The following HSPA12A variants were observed in gnomAD, a reference collection of about 807,000 sequenced individuals.
The protein encoded by HSPA12A is heat shock protein family A (Hsp70) member 12A, also known as heat shock 70 kDa protein 12A.
Under a neutral mutation model 69.2 loss-of-function variants are expected in HSPA12A, and 28 were observed. The ratio of observed to expected loss-of-function variants is 0.40; its 90% CI spans 0.30 to 0.55. The LOEUF is 0.55. HSPA12A is among the 20% of genes least tolerant of loss of function. The probability of loss-of-function intolerance (pLI) is 0.38; values close to 1 mark genes in which losing one functional copy is unlikely to be tolerated. For synonymous variants in HSPA12A, 345 were observed against 370.5 expected (o/e 0.93, Z 0.79); for missense variants, 686 against 900.7 (o/e 0.76, Z 3.05).
Position 116,674,717 on chromosome 10 carries a change from C to T in HSPA12A, c.*64G>A. 6.6e-7 allele frequency: 1 copy of T among 1,509,900 alleles called. No homozygotes were observed. The highest frequency in any genetic ancestry group is 2.3e-5 in the East Asian group (1 of 44,082). 93.5% of individuals were successfully genotyped at this position (1,509,900 alleles called of 1,614,324 possible). ...GGGTCAAGGTTAGGGAAAGAACAGT[C>T]AAGGTTGAGGTCAGCAGATGCAGAT... On this transcript the variant is annotated 3_prime_UTR_variant, in exon 12 of 12. Coordinates refer to ENST00000369209, the MANE Select transcript of HSPA12A (RefSeq NM_025015.3).
At chr10:116,711,967 G>A (rs889172305) in intron 1 of HSPA12A, among the ~76,000 whole-genome samples, 2 of 151,990 alleles carry the variant, frequency 1.3e-5, no homozygotes, top group Non-Finnish European at 2.9e-5. Context: ...GATTACAGGC[G>A]TGAGCCACTG....
At chr10:116,777,592 C>T (rs1844367745) in intron 2 of HSPA12A, among the ~76,000 whole-genome samples, 1 of 152,202 alleles carries the variant, frequency 6.6e-6, no homozygotes, top group African/African-American at 2.4e-5. Flanking sequence ...TTCAGCTACC[C>T]ACATGATGTC....
upstream of HSPA12A, chr10:116,849,920 TCCC>T: frequency 1.3e-6 from 1 of 749,296 alleles, no homozygotes; most frequent in South Asian, 1.5e-5. Context: ...TGAAGGGATC[TCCC>T]CAGAGAAAGT....
chr10:116,680,649 C>A (rs1253104188), intron 9 of HSPA12A, among the ~76,000 whole-genome samples: 1 of 152,196 alleles, frequency 6.6e-6, no homozygotes, highest in Admixed American at 6.5e-5. Flanking sequence ...CCACGCCCAG[C>A]TAATTTTTGT....
At chr10:116,750,307 T>G (rs1164217927) in intron 2 of HSPA12A, 1 of 773,282 alleles carries the variant, frequency 1.3e-6, no homozygotes, top group African/African-American at 1.7e-5. Flanking sequence ...AAAGCACTTA[T>G]GGTCAGCCTG....
At chr10:116,713,440 G>A (rs1043574746) in intron 1 of HSPA12A, among the ~76,000 whole-genome samples, 1 of 152,140 alleles carries the variant, frequency 6.6e-6, no homozygotes. Context: ...ATGGAAATGA[G>A]CATTTACCAT....
rs1298081656 is a variant in HSPA12A, at chr10:116,671,740, A to G, written c.*3041T>C. The G allele has an allele frequency of 6.5e-6, 1 of 152,684 alleles. No individual in the cohort carries two copies. Among genetic ancestry groups the G allele is most frequent in the Admixed American group, 6.5e-5 (1 of 15,286 alleles). The allele number at this position is 152,684 out of a possible 1,614,324, so 9.5% of individuals were successfully genotyped here. ...GCTGTGTACGGAAAGGGCAGTTACAAAGGAAAGCCTTGATGATTCTGCTTC... is the reference window on the plus strand; with the variant it reads ...GCTGTGTACGGAAAGGGCAGTTACAGAGGAAAGCCTTGATGATTCTGCTTC... On this transcript the variant is annotated 3_prime_UTR_variant, in exon 12 of 12. Transcript: ENST00000369209.
chr10:116,694,507 T>C (rs531550476), intron 5 of HSPA12A, among the ~76,000 whole-genome samples: 2 of 152,318 alleles, frequency 1.3e-5, no homozygotes, highest in East Asian at 3.9e-4. Context: ...ACCACCCACA[T>C]GGCCACTTGA....
rs184808436 is a variant in HSPA12A, at chr10:116,675,588, A to G, written c.1391-170T>C. Among the ~76,000 whole-genome samples, 17 of 152,310 alleles carry G rather than the reference A, an allele frequency of 1.1e-4. No homozygotes were observed. The highest frequency in any genetic ancestry group is 4.1e-4 in the African/African-American group (17 of 41,560). On this transcript the variant is annotated intron_variant, in intron 11 of 11. Transcript: ENST00000369209. This position sits in a 1 kb window ranked among gnomAD's most constrained non-coding sequence, Gnocchi z 5.2. ...CTTTGCAGAACTGGTCTTTTAAAGA[A>G]AGGGAGTTTGCACACCAATATGTTC...
At chr10:116,802,353 C>G (rs958950593) in intron 2 of HSPA12A, among the ~76,000 whole-genome samples, 1 of 152,180 alleles carries the variant, frequency 6.6e-6, no homozygotes, top group African/African-American at 2.4e-5. Context: ...AATGTGGCCA[C>G]AAAATAACAT....
At chr10:116,688,163 C>A (rs1351491810) in intron 6 of HSPA12A, among the ~76,000 whole-genome samples, 2 of 152,180 alleles carry the variant, frequency 1.3e-5, no homozygotes, top group African/African-American at 4.8e-5. Context: ...GATTTTCTAA[C>A]AGCAACGCTC....
At chr10:116,719,014 T>C (rs1290224911) in intron 1 of HSPA12A, among the ~76,000 whole-genome samples, 1 of 152,126 alleles carries the variant, frequency 6.6e-6, no homozygotes, top group Non-Finnish European at 1.5e-5. Flanking sequence ...GCAGTGGCCA[T>C]GGACCTCAGA....
rs782367968 is a variant in HSPA12A, at chr10:116,742,427, C to T, written c.40+3G>A. 1.3e-4 allele frequency: 180 copies of T among 1,429,752 alleles called. No homozygotes were observed. The highest frequency in any genetic ancestry group is 1.5e-4 in the Non-Finnish European group (165 of 1,093,184). The allele number at this position is 1,429,752 out of a possible 1,614,324, so 88.6% of individuals were successfully genotyped here. A position where few individuals can be genotyped will look rare whatever the true frequency, so the allele number is the denominator to read the frequency against. ...GGCCGCAGGACCCGCAGCCTGCGCT[C>T]ACCTCGGGGCCCGTCGCTGCCGCCG... On this transcript the variant is annotated splice_donor_region_variant and intron_variant, in intron 1 of 11. Coordinates refer to ENST00000369209, the MANE Select transcript of HSPA12A (RefSeq NM_025015.3).
intron 2 of HSPA12A, among the ~76,000 whole-genome samples, chr10:116,828,010 T>C (rs1321930850): frequency 6.6e-6 from 1 of 152,222 alleles, no homozygotes; most frequent in Non-Finnish European, 1.5e-5. Flanking sequence ...GTGGTATGCA[T>C]TTGTGATCCA....
chr10:116,676,860 CT>C (rs1272551742), intron 10 of HSPA12A, among the ~76,000 whole-genome samples: 4 of 152,208 alleles, frequency 2.6e-5, no homozygotes, highest in African/African-American at 7.2e-5. Context: ...TAAAAGCTCC[CT>C]GGCGAGTTTA....
rs71013609 is a variant in HSPA12A, at chr10:116,696,002, C to CAAAAAAAAAAAAAAAAAAAAAAAAAA, written c.546+2632_546+2633insTTTTTTTTTTTTTTTTTTTTTTTTTT. The stretch of plus-strand genomic sequence containing the variant: ...TGGGCAACAGAGAGAGACTCCATCT[C>CAAAAAAAAAAAAAAAAAAAAAAAAAA]AAAAAAAAAAAAAAAAAAAAAGGCT... On this transcript the variant is annotated intron_variant, in intron 5 of 11. Transcript: ENST00000369209. Among the ~76,000 whole-genome samples, 6 of 32,724 alleles carry CAAAAAAAAAAAAAAAAAAAAAAAAAA rather than the reference C, an allele frequency of 1.8e-4. 1 individual carries two copies. Among genetic ancestry groups the CAAAAAAAAAAAAAAAAAAAAAAAAAA allele is most frequent in the Non-Finnish European group, 2.5e-4 (5 of 19,856 alleles). 21.5% of individuals were successfully genotyped at this position (32,724 alleles called of 152,430 possible). A position where few individuals can be genotyped will look rare whatever the true frequency, so the allele number is the denominator to read the frequency against.
At chr10:116,713,619 GC>G (rs1358345311) in intron 1 of HSPA12A, among the ~76,000 whole-genome samples, 1 of 152,050 alleles carries the variant, frequency 6.6e-6, no homozygotes, top group Non-Finnish European at 1.5e-5. Context: ...GACAGGAAAA[GC>G]CCCGAGTCCC....
At chr10:116,690,727 T>A (rs1464736399) in intron 6 of HSPA12A, among the ~76,000 whole-genome samples, 1 of 151,666 alleles carries the variant, frequency 6.6e-6, no homozygotes, top group African/African-American at 2.4e-5. Context: ...GCCCCACACC[T>A]CTTGTCCCAC....
intron 6 of HSPA12A, among the ~76,000 whole-genome samples, chr10:116,689,379 T>C (rs1849670239): frequency 6.6e-6 from 1 of 151,918 alleles, no homozygotes; most frequent in African/African-American, 2.4e-5. Flanking sequence ...TCCTTCCAGC[T>C]CTCCTGCCTG....
Sources: gnomAD v4.1 joint callset for allele counts (sites outside exome capture counted in the v4.1 genomes callset) on GRCh38, gnomAD v4.1.1 for gene constraint, Gnocchi (gnomAD v3.1) non-coding constraint, MANE v1.5 for transcripts, NCBI Gene and HGNC (gene_info 2026-07-23, HGNC 2026-07-21) for gene names.